MAP3K15: variants seen among roughly 807,000 people sequenced by gnomAD.
MAP3K15 encodes the protein mitogen-activated protein kinase kinase kinase 15.
Under a neutral mutation model 99.5 loss-of-function variants are expected in MAP3K15, and 124 were observed. The observed-to-expected ratio is 1.25, with a 90% confidence interval of 1.08 to 1.45. The LOEUF (loss-of-function observed/expected upper bound fraction) is 1.45. Among genes scored for constraint, MAP3K15 ranks in the 40% most tolerant of loss-of-function variants. MAP3K15 has a pLI of 0.00. For missense variants in MAP3K15, 1,242 were observed against 1,079.7 expected (o/e 1.15, Z -2.11); for synonymous variants, 494 against 439.6 (o/e 1.12, Z -1.55).
intron 6 of MAP3K15, among the ~76,000 whole-genome samples, chrX:19,443,767 G>A (rs1379138352): frequency 9.0e-6 from 1 of 111,075 alleles, no homozygotes; most frequent in Non-Finnish European, 1.9e-5. Context: ...CGGGAGGGAC[G>A]GGCCAGGCCA....
intron 6 of MAP3K15, among the ~76,000 whole-genome samples, chrX:19,431,940 C>CTTTTT (rs773036480): frequency 2.5e-5 from 2 of 81,057 alleles, no homozygotes; most frequent in Admixed American, 1.4e-4. Context: ...TGAGACCCTG[C>CTTTTT]TTTTTTTTTT....
intron 19 of MAP3K15, among the ~76,000 whole-genome samples, chrX:19,378,851 A>G (rs1321066611): frequency 9.0e-6 from 1 of 111,138 alleles, no homozygotes; most frequent in Non-Finnish European, 1.9e-5. Context: ...AATCTGCACT[A>G]TGTTGGCCCC....
At chrX:19,434,599 C>A (rs760384147) in intron 6 of MAP3K15, among the ~76,000 whole-genome samples, 69 of 111,208 alleles carry the variant, frequency 6.2e-4, no homozygotes, top group Non-Finnish European at 1.2e-3. Flanking sequence ...ACTGCATCAT[C>A]CCAGATGTCA....
intron 16 of MAP3K15, among the ~76,000 whole-genome samples, chrX:19,394,789 C>CCT (rs2063553989): frequency 5.7e-5 from 1 of 17,512 alleles, no homozygotes; most frequent in African/African-American, 1.4e-4. Context: ...GGGTCTGTTG[C>CCT]TTTTTTTTTT....
chrX:19,415,795 T>C (rs779653357), intron 9 of MAP3K15, among the ~76,000 whole-genome samples: 2 of 111,979 alleles, frequency 1.8e-5, no homozygotes, highest in African/African-American at 6.5e-5. Flanking sequence ...TTTTATCATT[T>C]ACTACCCAAC....
chrX:19,430,680 C>T (rs1427004478), intron 7 of MAP3K15, among the ~76,000 whole-genome samples: 2 of 110,660 alleles, frequency 1.8e-5, no homozygotes, highest in African/African-American at 6.6e-5. Flanking sequence ...AAGGTCTTAC[C>T]CTCTTCCTGT....
intron 1 of MAP3K15, among the ~76,000 whole-genome samples, chrX:19,513,330 C>A (rs1447996822): frequency 1.8e-5 from 2 of 112,098 alleles, no homozygotes; most frequent in Non-Finnish European, 3.8e-5. Context: ...GAGTGTTGTG[C>A]CTCATGGCAA....
At chrX:19,373,324 G>A in intron 21 of MAP3K15, 1 of 429,155 alleles carries the variant, frequency 2.3e-6, no homozygotes, top group East Asian at 3.8e-5. Flanking sequence ...GGCACATGTG[G>A]GGAATGAAAG....
Position 19,392,103 on chromosome X carries a change from T to C in MAP3K15, c.2330A>G (p.Asp777Gly). The C allele has an allele frequency of 8.3e-7, 1 of 1,204,337 alleles. No homozygotes were observed. The highest frequency in any genetic ancestry group is 1.8e-5 in the South Asian group (1 of 56,605). ...GCTGTAGGTGTTCACCAGAACATTA[T>C]CGCCCTTCGGAAAATAACATCATCA... ...NQIVHRDIKG[D>G]NVLVNTYSGV... The change falls in exon 18 of 29, where the codon GAT becomes GGT. Residue 777 changes from aspartate (D) to glycine (G), a missense_variant. Asp to Gly is a moderately conservative substitution (Grantham distance 94). Transcript: ENST00000338883.
At chrX:19,446,693 T>C (rs1237282235) in intron 6 of MAP3K15, among the ~76,000 whole-genome samples, 3 of 110,491 alleles carry the variant, frequency 2.7e-5, no homozygotes, top group African/African-American at 9.9e-5. Context: ...AACTGGACTG[T>C]TCACTGTAGT....
chrX:19,385,980 CAGAG>C (rs1245958753), intron 18 of MAP3K15, among the ~76,000 whole-genome samples: 2 of 112,009 alleles, frequency 1.8e-5, no homozygotes, highest in African/African-American at 6.5e-5. Flanking sequence ...GAACAGCTAA[CAGAG>C]AGAGATAAAT....
Position 19,372,826 on chromosome X carries a change from C to A in MAP3K15, c.2935G>T (p.Val979Phe). 8.3e-7 allele frequency: 1 copy of A among 1,205,135 alleles called. No homozygotes were observed. Among genetic ancestry groups the A allele is most frequent in the Non-Finnish European group, 1.1e-6 (1 of 891,636 alleles). Residue 979 changes from valine to phenylalanine, a missense_variant and splice_region_variant, in exon 22 of 29, where the codon GTT (valine) becomes TTT (phenylalanine). Val to Phe is a conservative substitution (Grantham distance 50). Transcript: ENST00000338883. The part of the protein sequence containing the change: ...PRHHLGHLLS[V>F]PDESSALEDR... The stretch of plus-strand genomic sequence containing the variant: ...TCCAAGGCTGAGCTCTCGTCTGGAA[C>A]ACTGTGGACAAACACGTGTGACAAT...
chrX:19,503,561 G>A (rs1231818849), intron 1 of MAP3K15, among the ~76,000 whole-genome samples: 1 of 111,290 alleles, frequency 9.0e-6, no homozygotes, highest in Non-Finnish European at 1.9e-5. Flanking sequence ...AAGAAGCTGG[G>A]ACTATAGGCA....
chrX:19,363,281 C>A lies in MAP3K15; in HGVS notation c.3567-431G>T, dbSNP rs760100838. Among the ~76,000 whole-genome samples, 20 of 112,141 alleles carry A rather than the reference C, an allele frequency of 1.8e-4. No individual in the cohort carries two copies. In the Admixed American group the frequency reaches 1.8e-3, roughly 10 times the overall value. The stretch of plus-strand genomic sequence containing the variant: ...ATCCCTTCCACCATGTGAGGACACA[C>A]CGCGAGAAGATGGCCATCTGTGAAT... On this transcript the variant is annotated intron_variant, in intron 25 of 28. Transcript: ENST00000338883.
intron 12 of MAP3K15, among the ~76,000 whole-genome samples, 195 bp downstream of exon 12, chrX:19,409,729 A>G (rs1377298596): frequency 8.9e-6 from 1 of 112,329 alleles, no homozygotes; most frequent in East Asian, 2.8e-4. Flanking sequence ...TATTATAATA[A>G]CCCAAGAAGT....
At chrX:19,431,801 G>T (rs1284462616) in intron 6 of MAP3K15, among the ~76,000 whole-genome samples, 193 bp from the exon 7 acceptor site, 1 of 111,133 alleles carries the variant, frequency 9.0e-6, no homozygotes, top group Non-Finnish European at 1.9e-5. Context: ...CAAGTAGCCG[G>T]GTGGTAGTGG....
At chrX:19,436,834 G>T (rs5955784) in intron 6 of MAP3K15, among the ~76,000 whole-genome samples, 19,053 of 110,394 alleles carry the variant, frequency 0.17, 3,147 homozygotes, top group African/African-American at 0.52. Flanking sequence ...TGCACCACCA[G>T]GCCCAGCTAA....
At chrX:19,460,753 GTTTT>G (rs1276832764) in intron 4 of MAP3K15, among the ~76,000 whole-genome samples, 6 of 106,256 alleles carry the variant, frequency 5.6e-5, no homozygotes, top group Non-Finnish European at 1.2e-4. Context: ...CTGTTTTTTT[GTTTT>G]TTTGTTTTTT....
intron 9 of MAP3K15, among the ~76,000 whole-genome samples, chrX:19,416,228 G>T (rs1298234163): frequency 9.0e-6 from 1 of 111,287 alleles, no homozygotes; most frequent in Non-Finnish European, 1.9e-5. Context: ...CTACTTGGGA[G>T]GCTGAGGCAG....
Sources: gnomAD v4.1 joint callset for allele counts (sites outside exome capture counted in the v4.1 genomes callset) on GRCh38, gnomAD v4.1.1 for gene constraint, MANE v1.5 for transcripts, NCBI Gene and HGNC (gene_info 2026-07-23, HGNC 2026-07-21) for gene names.